CNTNAP2: variants seen among roughly 807,000 people sequenced by gnomAD.
CNTNAP2 encodes the protein contactin associated protein 2, also known as contactin-associated protein-like 2.
CNTNAP2 carries 98 observed loss-of-function variants against 155.2 expected under a neutral mutation model. That is an observed-to-expected ratio of 0.63 (90% CI 0.54 to 0.75). The LOEUF is 0.75. Ranked by LOEUF, CNTNAP2 falls within the 30% of genes least tolerant of loss-of-function variation. The probability of loss-of-function intolerance (pLI) is 0.00; values close to 1 mark genes in which losing one functional copy is unlikely to be tolerated. For synonymous variants in CNTNAP2, 651 were observed against 631.2 expected, an observed-to-expected ratio of 1.03 and a Z score of -0.47; for missense variants, 1,727 against 1,688.1, an observed-to-expected ratio of 1.02 and a Z score of -0.40.
chr7:146,589,219 G>A (rs1317970264), intron 1 of CNTNAP2, among the ~76,000 whole-genome samples: 3 of 150,994 alleles, frequency 2.0e-5, no homozygotes, highest in East Asian at 3.9e-4. Flanking sequence ...AAAGTGGAGT[G>A]TAGGTAGGCT....
At chr7:146,569,504 T>G (rs1798409424) in intron 1 of CNTNAP2, among the ~76,000 whole-genome samples, 1 of 152,208 alleles carries the variant, frequency 6.6e-6, no homozygotes. Flanking sequence ...TCATAAAAAT[T>G]TGAGTGTTTC....
At chr7:148,367,489 G>A (rs1271393466) in intron 21 of CNTNAP2, among the ~76,000 whole-genome samples, 3 of 150,010 alleles carry the variant, frequency 2.0e-5, no homozygotes, top group Non-Finnish European at 4.4e-5. Context: ...TTTAATGGAG[G>A]AAGAAAACCT....
intron 12 of CNTNAP2, among the ~76,000 whole-genome samples, chr7:147,589,011 ATGTT>A (rs1027073777): frequency 6.6e-5 from 10 of 152,180 alleles, no homozygotes; most frequent in East Asian, 1.9e-4. Context: ...CCCTAAGTGA[ATGTT>A]TGGTCACAAA....
intron 10 of CNTNAP2, among the ~76,000 whole-genome samples, chr7:147,427,278 G>A (rs1797393698): frequency 6.6e-6 from 1 of 152,022 alleles, no homozygotes; most frequent in Non-Finnish European, 1.5e-5. Context: ...GTTGCATTGG[G>A]GATTAAGTTT....
intron 13 of CNTNAP2, among the ~76,000 whole-genome samples, chr7:147,853,970 C>A (rs865895717): frequency 6.6e-6 from 1 of 152,128 alleles, no homozygotes; most frequent in African/African-American, 2.4e-5. Flanking sequence ...AATTATCTCA[C>A]GGTTTTTAAA....
intron 4 of CNTNAP2, among the ~76,000 whole-genome samples, chr7:147,073,307 G>T (rs1438373578): frequency 1.1e-5 from 1 of 89,832 alleles, no homozygotes; most frequent in African/African-American, 4.4e-5. Flanking sequence ...ACTAATGCAG[G>T]AATGTAAAAA....
intron 13 of CNTNAP2, among the ~76,000 whole-genome samples, chr7:147,788,103 T>A (rs1292442831): frequency 6.6e-6 from 1 of 152,198 alleles, no homozygotes; most frequent in Non-Finnish European, 1.5e-5. Context: ...CCACTAGAAA[T>A]GCAACAGAGG....
intron 13 of CNTNAP2, among the ~76,000 whole-genome samples, chr7:147,876,086 A>G (rs942489338): frequency 6.6e-6 from 1 of 152,244 alleles, no homozygotes; most frequent in African/African-American, 2.4e-5. Context: ...CAACTTATAT[A>G]AAAGAATGAA....
At chr7:147,293,938 G>A (rs1475869676) in intron 8 of CNTNAP2, among the ~76,000 whole-genome samples, 1 of 152,116 alleles carries the variant, frequency 6.6e-6, no homozygotes, top group Non-Finnish European at 1.5e-5. Context: ...CTGTAATATG[G>A]TTTCAAAGAT....
chr7:146,333,827 C>T (rs1801225299), intron 1 of CNTNAP2, among the ~76,000 whole-genome samples: 1 of 152,116 alleles, frequency 6.6e-6, no homozygotes, highest in African/African-American at 2.4e-5. Flanking sequence ...TCATTGGCTT[C>T]TAGGATCACC....
intron 1 of CNTNAP2, among the ~76,000 whole-genome samples, chr7:146,427,666 T>C (rs1053048021): frequency 6.6e-6 from 1 of 152,240 alleles, no homozygotes; most frequent in African/African-American, 2.4e-5. Flanking sequence ...CTTTTGCCTA[T>C]AGTTACATAC....
intron 1 of CNTNAP2, among the ~76,000 whole-genome samples, chr7:146,459,787 A>G (rs1451110958): frequency 1.3e-5 from 2 of 152,104 alleles, no homozygotes; most frequent in Non-Finnish European, 2.9e-5. Flanking sequence ...CCTGGCTAAC[A>G]TGGTGAAACC....
intron 8 of CNTNAP2, among the ~76,000 whole-genome samples, chr7:147,258,312 T>C (rs1804376259): frequency 6.6e-6 from 1 of 152,212 alleles, no homozygotes; most frequent in Non-Finnish European, 1.5e-5. Context: ...TCAGAGTAAT[T>C]AGCATATCCA....
intron 4 of CNTNAP2, among the ~76,000 whole-genome samples, chr7:147,050,128 A>G (rs917352467): frequency 1.3e-5 from 2 of 152,202 alleles, no homozygotes; most frequent in Non-Finnish European, 2.9e-5. Flanking sequence ...AGTTATTTTT[A>G]AAACTTAGCA....
intron 1 of CNTNAP2, among the ~76,000 whole-genome samples, chr7:146,500,321 T>C (rs1308574191): frequency 6.6e-6 from 1 of 152,174 alleles, no homozygotes; most frequent in Non-Finnish European, 1.5e-5. Context: ...TTTAATCAGG[T>C]GCTACAGTCG....
chr7:147,391,012 C>A (rs1033432090), intron 9 of CNTNAP2, among the ~76,000 whole-genome samples: 1 of 151,978 alleles, frequency 6.6e-6, no homozygotes, highest in Admixed American at 6.6e-5. Flanking sequence ...CAAGTCAATC[C>A]AAAATGAATC....
At chr7:148,150,130 A>AG (rs1563215507) in intron 17 of CNTNAP2, among the ~76,000 whole-genome samples, 2 of 142,858 alleles carry the variant, frequency 1.4e-5, no homozygotes, top group South Asian at 2.2e-4. Context: ...AAAAAAAAAA[A>AG]GGACGGCCAC....
At chr7:147,460,140 A>AT (rs2116585608) in intron 10 of CNTNAP2, among the ~76,000 whole-genome samples, 1 of 152,194 alleles carries the variant, frequency 6.6e-6, no homozygotes, top group South Asian at 2.1e-4. Context: ...TTAAAAAAAA[A>AT]GAAAGAAGAG....
Position 148,066,740 on chromosome 7 carries a change from C to T in CNTNAP2, c.2384-51378C>T, listed in dbSNP as rs563634202. Among the ~76,000 whole-genome samples, 344 of 152,162 alleles carry T rather than the reference C, an allele frequency of 2.3e-3. 1 individual carries two copies. Among genetic ancestry groups the T allele is most frequent in the African/African-American group, 7.7e-3 (321 of 41,538 alleles). Reference sequence around the variant, plus strand: ...GTCTCGATCTCCTGACCTCATGATCCGCCTGCCTCAACCTCCCAAAGTGCT... The same window carrying T: ...GTCTCGATCTCCTGACCTCATGATCTGCCTGCCTCAACCTCCCAAAGTGCT... On this transcript the variant is annotated intron_variant, in intron 15 of 23. Coordinates refer to ENST00000361727, the MANE Select transcript of CNTNAP2 (RefSeq NM_014141.6).
Sources: gnomAD v4.1 joint callset for allele counts (sites outside exome capture counted in the v4.1 genomes callset) on GRCh38, gnomAD v4.1.1 for gene constraint, MANE v1.5 for transcripts, NCBI Gene and HGNC (gene_info 2026-07-23, HGNC 2026-07-21) for gene names.